Variants in ENTREP1 observed in about 807,000 individuals in gnomAD.
The protein encoded by ENTREP1 is endosomal transmembrane epsin interactor 1.
At chr9:69,376,016 G>T in the ENTREP1 span, 5 of 732,126 alleles carry the variant, frequency 6.8e-6, no homozygotes, top group Non-Finnish European at 1.1e-5. Flanking sequence ...AGAATTGAAT[G>T]CAGAAAGAAC....
At chr9:69,354,253 C>CTT in the ENTREP1 span, among the ~76,000 whole-genome samples, 13 of 53,286 alleles carry the variant, frequency 2.4e-4, no homozygotes, top group Non-Finnish European at 3.1e-4. Context: ...CCTATTGCAA[C>CTT]ATTTTTTTTT....
the ENTREP1 span, among the ~76,000 whole-genome samples, chr9:69,343,925 A>C: frequency 6.6e-6 from 1 of 152,204 alleles, no homozygotes; most frequent in Non-Finnish European, 1.5e-5. Context: ...GGACCAACCA[A>C]TGTATACATA....
chr9:69,340,158 C>T, the ENTREP1 span, among the ~76,000 whole-genome samples: 1 of 152,116 alleles, frequency 6.6e-6, no homozygotes, highest in Non-Finnish European at 1.5e-5. Context: ...TCTCCAAAAC[C>T]TTGTATTCAT....
chr9:69,367,341 A>AT, the ENTREP1 span, among the ~76,000 whole-genome samples: 2 of 151,082 alleles, frequency 1.3e-5, no homozygotes, highest in African/African-American at 4.9e-5. Context: ...CTCTTTGGGC[A>AT]TTTTTTTGGT....
chr9:69,375,687 A>T, the ENTREP1 span: 1 of 1,486,344 alleles, frequency 6.7e-7, no homozygotes, highest in Admixed American at 1.7e-5. Flanking sequence ...GAGCCAGGGT[A>T]TTTTTTCTTA....
chr9:69,343,350 C>T, the ENTREP1 span, among the ~76,000 whole-genome samples: 1 of 152,148 alleles, frequency 6.6e-6, no homozygotes, highest in Non-Finnish European at 1.5e-5. Context: ...GTTTATAAGA[C>T]CCACTTCAGT....
the ENTREP1 span, chr9:69,387,759 GACTACTT>G: frequency 2.1e-6 from 1 of 485,588 alleles, no homozygotes; most frequent in Non-Finnish European, 3.4e-6. Context: ...TCTCTTAATT[GACTACTT>G]CATCCTCGCT....
At chr9:69,386,048 T>A in the ENTREP1 span, 1 of 1,124,434 alleles carries the variant, frequency 8.9e-7, no homozygotes. Flanking sequence ...CCCTGCAGTT[T>A]AAGTGGTCAT....
At chr9:69,360,480 T>C in the ENTREP1 span, among the ~76,000 whole-genome samples, 75 of 152,294 alleles carry the variant, frequency 4.9e-4, no homozygotes, top group African/African-American at 1.6e-3. Flanking sequence ...AGTAAAATAT[T>C]TTATTTTTCT....
the ENTREP1 span, among the ~76,000 whole-genome samples, chr9:69,367,646 C>CAT: frequency 1.2e-4 from 12 of 99,354 alleles, no homozygotes; most frequent in Middle Eastern, 5.5e-3. Context: ...TATATACACA[C>CAT]ATATATATAA....
chr9:69,354,547 T>G, the ENTREP1 span, among the ~76,000 whole-genome samples: 1 of 152,196 alleles, frequency 6.6e-6, no homozygotes, highest in Non-Finnish European at 1.5e-5. Flanking sequence ...CATGAGCCAC[T>G]GCGCCTGGCC....
chr9:69,377,371 A>G, the ENTREP1 span: 1 of 1,604,478 alleles, frequency 6.2e-7, no homozygotes, highest in Admixed American at 1.7e-5. Flanking sequence ...TTGCCCCAGA[A>G]AGTCCTCTTT....
the ENTREP1 span, chr9:69,385,980 G>A: frequency 6.4e-7 from 1 of 1,565,524 alleles, no homozygotes; most frequent in East Asian, 2.3e-5. Context: ...TCGCAGGGCT[G>A]TGTGCTTATT....
the ENTREP1 span, chr9:69,371,384 C>CT: frequency 5.7e-5 from 49 of 859,392 alleles, no homozygotes; most frequent in Admixed American, 1.7e-5. Flanking sequence ...CGGTTCTGAT[C>CT]TTTTTTTAAA....
chr9:69,370,178 G>C, the ENTREP1 span, among the ~76,000 whole-genome samples: 2 of 152,056 alleles, frequency 1.3e-5, no homozygotes, highest in African/African-American at 4.8e-5. Context: ...TCAAGGCATT[G>C]TATATTATCG....
the ENTREP1 span, among the ~76,000 whole-genome samples, chr9:69,384,630 G>C: frequency 2.0e-5 from 3 of 152,214 alleles, no homozygotes; most frequent in South Asian, 2.1e-4. Context: ...GTAAGTACTA[G>C]AGTCAGTTTA....
the ENTREP1 span, chr9:69,391,569 T>A: frequency 1.2e-6 from 2 of 1,601,340 alleles, no homozygotes; most frequent in African/African-American, 2.7e-5. Context: ...AAAGCTTACT[T>A]AACTTCTCCC....
the ENTREP1 span, among the ~76,000 whole-genome samples, chr9:69,372,738 TG>T: frequency 6.6e-6 from 1 of 152,200 alleles, no homozygotes; most frequent in Non-Finnish European, 1.5e-5. Context: ...TTAAATTTTT[TG>T]AGGAAACTTT....
the ENTREP1 span, among the ~76,000 whole-genome samples, chr9:69,326,486 C>G: frequency 9.6e-4 from 146 of 152,290 alleles, no homozygotes; most frequent in Non-Finnish European, 1.7e-3. Flanking sequence ...CCTCCCTCCT[C>G]CAACCGGGAA....
Sources: gnomAD v4.1 joint callset for allele counts (sites outside exome capture counted in the v4.1 genomes callset) on GRCh38, gnomAD v4.1.1 for gene constraint, MANE v1.5 for transcripts, NCBI Gene and HGNC (gene_info 2026-07-23, HGNC 2026-07-21) for gene names.